Variants in ZFYVE9 observed in about 807,000 individuals in gnomAD.
The protein encoded by ZFYVE9 is zinc finger FYVE-type containing 9.
A neutral mutation model predicts 126.7 loss-of-function variants in ZFYVE9; 43 were observed. That is an observed-to-expected ratio of 0.34 (90% confidence interval 0.27 to 0.44). ZFYVE9 has a LOEUF of 0.44. Ranked by LOEUF, ZFYVE9 falls within the 20% of genes least tolerant of loss-of-function variation. The pLI, the probability that ZFYVE9 is intolerant of heterozygous loss-of-function variation, is 1.00. For synonymous variants in ZFYVE9, 521 were observed against 597.4 expected (o/e 0.87, Z 1.87); for missense variants, 1,476 against 1,697.0 (o/e 0.87, Z 2.29).
Position 52,322,021 on chromosome 1 carries a change from T to C in ZFYVE9, c.3439-10747T>C, listed in dbSNP as rs191063541. Among the ~76,000 whole-genome samples, 3 of 152,334 alleles carry C rather than the reference T, an allele frequency of 2.0e-5. No homozygotes were observed. The East Asian group carries it at 5.8e-4, about 29-fold the overall frequency. On this transcript the variant is annotated intron_variant, in intron 13 of 18. Coordinates refer to ENST00000287727, the MANE Select transcript of ZFYVE9 (RefSeq NM_004799.4). ...CTGTTTTGTAGACTTGACTGTCTTA[T>C]TGCCCACTTGACATCTCCACTTGCA...
chr1:52,343,877 G>A (rs1233392126), intron 17 of ZFYVE9, among the ~76,000 whole-genome samples: 1 of 150,858 alleles, frequency 6.6e-6, no homozygotes, highest in African/African-American at 2.4e-5. Context: ...TTCAAGACCA[G>A]CCTGGCCAAC....
chr1:52,217,480 C>G (rs148016473), intron 2 of ZFYVE9, among the ~76,000 whole-genome samples: 6 of 152,220 alleles, frequency 3.9e-5, no homozygotes, highest in East Asian at 3.9e-4. Flanking sequence ...CTTTGTTGTT[C>G]TTCTTGATTA....
At chr1:52,250,752 C>G (rs572700621) in intron 4 of ZFYVE9, among the ~76,000 whole-genome samples, 1 of 151,796 alleles carries the variant, frequency 6.6e-6, no homozygotes, top group Non-Finnish European at 1.5e-5. Context: ...TTCTGTCACC[C>G]AGGCTTGAGT....
chr1:52,300,863 GTT>G (rs747924233), intron 12 of ZFYVE9, among the ~76,000 whole-genome samples: 2 of 137,236 alleles, frequency 1.5e-5, no homozygotes, highest in Non-Finnish European at 1.6e-5. Context: ...AGGTTTTTTG[GTT>G]TTTTTTTTTT....
chr1:52,297,362 A>G (rs757022356), intron 12 of ZFYVE9, among the ~76,000 whole-genome samples: 21 of 150,632 alleles, frequency 1.4e-4, no homozygotes, highest in Non-Finnish European at 1.5e-4. Flanking sequence ...TTCAGCCTTC[A>G]GAGCAGCTGG....
At chr1:52,316,426 A>T (rs1043319385) in intron 13 of ZFYVE9, among the ~76,000 whole-genome samples, 38 of 150,976 alleles carry the variant, frequency 2.5e-4, no homozygotes, top group African/African-American at 8.8e-4. Flanking sequence ...TGGAGGTTGC[A>T]CTGAGCCGAG....
At chr1:52,197,392 A>T (rs1644870605) in intron 1 of ZFYVE9, among the ~76,000 whole-genome samples, 1 of 152,212 alleles carries the variant, frequency 6.6e-6, no homozygotes, top group African/African-American at 2.4e-5. Flanking sequence ...TTAGATGTAT[A>T]GCTTTAGAAC....
chr1:52,160,675 C>G lies in ZFYVE9; in HGVS notation c.-143+18272C>G, dbSNP rs1180316175. On this transcript the variant is annotated intron_variant, in intron 1 of 18. Transcript: ENST00000287727. ...GTGATCCGCCTGCGTCGGCCTCCTG[C>G]AGTGCTGGGATTACAGGCGTGAGCC... 53 of 577,982 alleles carry G rather than the reference C, an allele frequency of 9.2e-5. No homozygotes were observed. The Admixed American group carries it at 1.7e-3, about 18-fold the overall frequency. 35.8% of individuals were successfully genotyped at this position (577,982 alleles called of 1,614,324 possible).
intron 4 of ZFYVE9, among the ~76,000 whole-genome samples, chr1:52,244,832 T>G (rs1645368276): frequency 6.6e-6 from 1 of 152,188 alleles, no homozygotes; most frequent in Non-Finnish European, 1.5e-5. Context: ...GTCTACCTAT[T>G]TCCATGTATT....
chr1:52,199,269 G>A (rs139518715), intron 1 of ZFYVE9, among the ~76,000 whole-genome samples: 8 of 152,126 alleles, frequency 5.3e-5, no homozygotes, highest in South Asian at 2.1e-4. Context: ...GAGTTTCACC[G>A]TGTTAGGATG....
chr1:52,182,576 C>T (rs530521774), intron 1 of ZFYVE9, among the ~76,000 whole-genome samples: 3 of 151,840 alleles, frequency 2.0e-5, no homozygotes, highest in Non-Finnish European at 4.4e-5. Context: ...GTCATCACCA[C>T]TCCCTAATCT....
At chr1:52,221,837 A>T (rs567409178) in intron 2 of ZFYVE9, among the ~76,000 whole-genome samples, 3 of 152,228 alleles carry the variant, frequency 2.0e-5, no homozygotes, top group African/African-American at 7.2e-5. Flanking sequence ...TGGATCTCTG[A>T]TGGGGTCCAG....
intron 4 of ZFYVE9, among the ~76,000 whole-genome samples, chr1:52,259,537 CA>C (rs1225972730): frequency 2.0e-5 from 3 of 151,488 alleles, no homozygotes; most frequent in Non-Finnish European, 4.4e-5. Context: ...CCTGTAATCC[CA>C]GCACTTTGGG....
chr1:52,337,171 A>G (rs1195451140), intron 15 of ZFYVE9, among the ~76,000 whole-genome samples: 1 of 152,198 alleles, frequency 6.6e-6, no homozygotes, highest in Non-Finnish European at 1.5e-5. Flanking sequence ...GTAATTGCTC[A>G]GCATGTGACA....
At chr1:52,144,617 A>G (rs1349383850) in intron 1 of ZFYVE9, among the ~76,000 whole-genome samples, 4 of 151,578 alleles carry the variant, frequency 2.6e-5, no homozygotes, top group African/African-American at 9.7e-5. Context: ...TAGTGGCAAT[A>G]GTCATTTCTT....
At chr1:52,211,858 A>T (rs981945999) in intron 1 of ZFYVE9, among the ~76,000 whole-genome samples, 2 of 152,172 alleles carry the variant, frequency 1.3e-5, no homozygotes, top group Non-Finnish European at 2.9e-5. Flanking sequence ...CACCCTCACA[A>T]ATAATTCTTC....
chr1:52,292,531 G>A (rs1645932511), intron 10 of ZFYVE9, among the ~76,000 whole-genome samples: 2 of 147,778 alleles, frequency 1.4e-5, no homozygotes, highest in South Asian at 2.2e-4. Flanking sequence ...GAGCGCAGTG[G>A]CACAATCTTG....
At position 52,330,682 on chromosome 1, in the gene ZFYVE9, T is replaced by A. The variant is rs116757294; in HGVS notation, c.3439-2086T>A. 7.6e-3 allele frequency among the ~76,000 whole-genome samples: 1,163 copies of A among 152,042 alleles called. 17 individuals are homozygous for A. Among genetic ancestry groups the A allele is most frequent in the African/African-American group, 0.027 (1,105 of 41,480 alleles). On this transcript the variant is annotated intron_variant, in intron 13 of 18. Coordinates refer to ENST00000287727, the MANE Select transcript of ZFYVE9 (RefSeq NM_004799.4). ...TCATCACCATCTTGGTTTTGGTGGGTTTTGGCTAGCTTCTTTACAGCATTC... is the reference window on the plus strand; with the variant it reads ...TCATCACCATCTTGGTTTTGGTGGGATTTGGCTAGCTTCTTTACAGCATTC...
At chr1:52,221,636 A>G (rs1376986675) in intron 2 of ZFYVE9, among the ~76,000 whole-genome samples, 1 of 152,182 alleles carries the variant, frequency 6.6e-6, no homozygotes, top group East Asian at 1.9e-4. Flanking sequence ...CATTCGGGCC[A>G]TCCACGGGTT....
Sources: gnomAD v4.1 joint callset for allele counts (sites outside exome capture counted in the v4.1 genomes callset) on GRCh38, gnomAD v4.1.1 for gene constraint, MANE v1.5 for transcripts, NCBI Gene and HGNC (gene_info 2026-07-23, HGNC 2026-07-21) for gene names.